The following BTG3 variants were observed in gnomAD, a reference collection of about 807,000 sequenced individuals.
BTG3 encodes the protein BTG anti-proliferation factor 3.
BTG3 carries 4 observed loss-of-function variants against 25.8 expected under a neutral mutation model. The observed-to-expected ratio is 0.16, with a 90% CI of 0.08 to 0.36. BTG3 has a LOEUF of 0.36. BTG3 is among the 10% of genes least tolerant of loss of function. The pLI, the probability that BTG3 is intolerant of heterozygous loss-of-function variation, is 1.00. For synonymous variants in BTG3, 107 were observed against 99.9 expected (o/e 1.07, Z -0.42); for missense variants, 201 against 304.9 (o/e 0.66, Z 2.54).
intron 1 of BTG3, among the ~76,000 whole-genome samples, chr21:17,609,972 G>A (rs187613997): frequency 6.6e-6 from 1 of 152,280 alleles, no homozygotes; most frequent in Admixed American, 6.5e-5. Flanking sequence ...GTATATACAT[G>A]TAATGGAATA....
Position 17,593,998 on chromosome 21 carries a change from T to G in BTG3, c.*95A>C. On this transcript the variant is annotated 3_prime_UTR_variant, in exon 5 of 5. Transcript: ENST00000348354. ...AGTTTGATGGTTTGGCCCATCTAAC[T>G]TCACTACTATTAGTAAGAACTTTTA... The G allele has an allele frequency of 7.0e-7, 1 of 1,432,934 alleles. No homozygotes were observed. Among genetic ancestry groups the G allele is most frequent in the Non-Finnish European group, 9.3e-7 (1 of 1,071,512 alleles). 88.8% of individuals were successfully genotyped at this position (1,432,934 alleles called of 1,614,324 possible). A position where few individuals can be genotyped will look rare whatever the true frequency, so the allele number is the denominator to read the frequency against.
chr21:17,602,174 T>C (rs921574821), intron 3 of BTG3, among the ~76,000 whole-genome samples: 8 of 152,050 alleles, frequency 5.3e-5, no homozygotes. Context: ...AAAAAAAAGT[T>C]GTAAAATATG....
intron 4 of BTG3, among the ~76,000 whole-genome samples, chr21:17,594,554 C>G (rs772753453): frequency 6.6e-6 from 1 of 151,980 alleles, no homozygotes; most frequent in Non-Finnish European, 1.5e-5. Flanking sequence ...AATGAATAAA[C>G]TCAAACACAG....
chr21:17,594,198 T>A lies in BTG3; in HGVS notation c.654A>T (p.Arg218Ser). The change falls in exon 5 of 5, where the codon AGA becomes AGT. Residue 218 changes from arginine to serine, a missense_variant. By Grantham distance (110) the Arg-to-Ser change is moderately radical. This residue lies in a region of BTG3 where 131 missense variants were observed against 129.3 expected (regional missense o/e 1.01). Transcript: ENST00000348354. ...GAATTGGGCGATATGGTTTATTTTT[T>A]CTTCCCTGATTTGGATAACCAAATG... ...PVPFGYPNQG[R>S]KNKPYRPIPV... 1 of 1,613,352 alleles carries A rather than the reference T, an allele frequency of 6.2e-7. No individual in the cohort carries two copies. The highest frequency in any genetic ancestry group is 8.5e-7 in the Non-Finnish European group (1 of 1,179,432).
intron 4 of BTG3, among the ~76,000 whole-genome samples, chr21:17,595,966 A>G (rs2061498811): frequency 6.6e-6 from 1 of 152,046 alleles, no homozygotes; most frequent in Non-Finnish European, 1.5e-5. Flanking sequence ...TAAATTGTGC[A>G]GTTCTGGAAG....
intron 3 of BTG3, chr21:17,604,126 G>C (rs1163837290): frequency 1.6e-6 from 2 of 1,284,468 alleles, no homozygotes; most frequent in South Asian, 2.5e-5. Flanking sequence ...AAACCACGAA[G>C]TATCACTCAG....
chr21:17,606,178 C>G (rs190036882), intron 2 of BTG3, among the ~76,000 whole-genome samples: 1 of 152,152 alleles, frequency 6.6e-6, no homozygotes, highest in Non-Finnish European at 1.5e-5. Context: ...ACTCTTAATT[C>G]TCATGATCAT....
At chr21:17,607,739 G>T (rs539270077) in intron 2 of BTG3, among the ~76,000 whole-genome samples, 1 of 152,202 alleles carries the variant, frequency 6.6e-6, no homozygotes, top group Non-Finnish European at 1.5e-5. Context: ...ACAAATAAAA[G>T]AGTATTTCTG....
At position 17,594,007 on chromosome 21, in the gene BTG3, A is replaced by G. The variant is rs897627272; in HGVS notation, c.*86T>C. On this transcript the variant is annotated 3_prime_UTR_variant, in exon 5 of 5. Coordinates refer to ENST00000348354, the MANE Select transcript of BTG3 (RefSeq NM_006806.5). ...GTTTGGCCCATCTAACTTCACTACT[A>G]TTAGTAAGAACTTTTAACTTTTAAT... is the stretch of plus-strand genomic sequence containing the variant. 4 of 1,469,390 alleles carry G rather than the reference A, an allele frequency of 2.7e-6. No individual in the cohort carries two copies. Among genetic ancestry groups the G allele is most frequent in the South Asian group, 2.8e-5 (2 of 70,904 alleles). 91.0% of individuals were successfully genotyped at this position (1,469,390 alleles called of 1,614,324 possible).
chr21:17,598,948 T>G (rs1190818488), intron 3 of BTG3, 124 bp from the exon 4 acceptor site: 1 of 733,650 alleles, frequency 1.4e-6, no homozygotes, highest in Admixed American at 2.9e-5. Flanking sequence ...ATCACAGAAC[T>G]TGACCCTACA....
intron 4 of BTG3, among the ~76,000 whole-genome samples, chr21:17,598,303 A>G (rs1049735499): frequency 1.3e-5 from 2 of 152,232 alleles, no homozygotes; most frequent in Non-Finnish European, 2.9e-5. Context: ...ACATACTACA[A>G]AAAATAAGTG....
At chr21:17,603,534 G>A (rs569107830) in intron 3 of BTG3, among the ~76,000 whole-genome samples, 1 of 152,252 alleles carries the variant, frequency 6.6e-6, no homozygotes, top group Non-Finnish European at 1.5e-5. Flanking sequence ...CTTCATTGCT[G>A]GAATCAGGTC....
chr21:17,603,963 C>A (rs919523379), intron 3 of BTG3, among the ~76,000 whole-genome samples: 1 of 152,194 alleles, frequency 6.6e-6, no homozygotes, highest in Non-Finnish European at 1.5e-5. Context: ...CAGAATGTTG[C>A]TTTCGTTTTT....
intron 4 of BTG3, among the ~76,000 whole-genome samples, chr21:17,597,771 G>C (rs921076550): frequency 6.6e-6 from 1 of 151,932 alleles, no homozygotes; most frequent in African/African-American, 2.4e-5. Context: ...CTGAAATAAT[G>C]TTCATTATGT....
chr21:17,603,873 G>A lies in BTG3; in HGVS notation c.311+987C>T, dbSNP rs191888149. Among the ~76,000 whole-genome samples the A allele has an allele frequency of 2.6e-4, 39 of 152,218 alleles. No homozygotes were observed. The East Asian group carries it at 7.3e-3, about 29-fold the overall frequency. On this transcript the variant is annotated intron_variant, in intron 3 of 4. Transcript: ENST00000348354. ...TTTGTGCAACCTACCACTGCATTTT[G>A]TACACATTTCTAACATAAATCAGAT...
rs1194074912 is a variant in BTG3 at position 17,608,849 on chromosome 21, C to T, written c.173+123G>A. The T allele has an allele frequency of 3.2e-6, 3 of 950,166 alleles. No homozygotes were observed. In the South Asian group the frequency reaches 6.6e-5, roughly 21 times the overall value. The allele number at this position is 950,166 out of a possible 1,614,324, so 58.9% of individuals were successfully genotyped here. Reference sequence around the variant, plus strand: ...AGTAAGGAGAAAATATACAAACACCCCAGAGTTCTATATTTTGCAGATGAA... The same window carrying T: ...AGTAAGGAGAAAATATACAAACACCTCAGAGTTCTATATTTTGCAGATGAA... On this transcript the variant is annotated intron_variant, in intron 2 of 4. Transcript: ENST00000348354.
chr21:17,594,948 C>T (rs150231810), intron 4 of BTG3, among the ~76,000 whole-genome samples: 102 of 151,608 alleles, frequency 6.7e-4, no homozygotes, highest in African/African-American at 2.4e-3. Flanking sequence ...CCCTGTGACA[C>T]ATGTTTACCT....
chr21:17,599,904 A>T (rs2061551457), intron 3 of BTG3, among the ~76,000 whole-genome samples: 1 of 152,228 alleles, frequency 6.6e-6, no homozygotes, highest in South Asian at 2.1e-4. Flanking sequence ...TTATACTCAC[A>T]AAAATGAGAA....
At chr21:17,604,325 A>G (rs1487186794) in intron 3 of BTG3, 1 of 220,964 alleles carries the variant, frequency 4.5e-6, no homozygotes, top group Admixed American at 5.7e-5. Flanking sequence ...GGCGCCTGTA[A>G]TTCCAGCTAC....
Sources: gnomAD v4.1 joint callset for allele counts (sites outside exome capture counted in the v4.1 genomes callset) on GRCh38, gnomAD v4.1.1 for gene constraint, gnomAD v4.1.1 regional missense constraint, MANE v1.5 for transcripts, NCBI Gene and HGNC (gene_info 2026-07-23, HGNC 2026-07-21) for gene names.